Variants in HADH observed in about 807,000 individuals in gnomAD.
HADH encodes hydroxyacyl-coenzyme A dehydrogenase, mitochondrial.
A neutral mutation model predicts 32.2 loss-of-function variants in HADH; 24 were observed. The observed-to-expected ratio is 0.75, with a 90% CI of 0.54 to 1.05. HADH has a LOEUF of 1.05. HADH is among the 50% of genes least tolerant of loss of function. The pLI is 0.00. For synonymous variants in HADH, 139 were observed against 152.5 expected, an observed-to-expected ratio of 0.91 and a Z score of 0.65; for missense variants, 350 against 397.1, an observed-to-expected ratio of 0.88 and a Z score of 1.01.
At chr4:108,026,462 T>C (rs185342714) in intron 5 of HADH, 39 of 152,362 alleles carry the variant, frequency 2.6e-4, no homozygotes, top group African/African-American at 9.4e-4. Flanking sequence ...GAGTCTATAG[T>C]GAACCTTTTG....
chr4:107,997,308 G>C (rs1431779195), intron 1 of HADH, among the ~76,000 whole-genome samples: 1 of 152,168 alleles, frequency 6.6e-6, no homozygotes, highest in Admixed American at 6.5e-5. Flanking sequence ...TAATGTCTAG[G>C]CACATGGGAC....
At chr4:108,018,391 CTT>C (rs752890983) in intron 3 of HADH, among the ~76,000 whole-genome samples, 2 of 151,980 alleles carry the variant, frequency 1.3e-5, no homozygotes, top group African/African-American at 2.4e-5. Context: ...AAGCAAGAAA[CTT>C]TGAAAACTGA....
chr4:108,027,695 C>T lies in HADH; in HGVS notation c.644C>T (p.Pro215Leu). 6.2e-7 allele frequency: 1 copy of T among 1,603,990 alleles called. No individual in the cohort carries two copies. Reference protein sequence around the residue: ...GKHPVSCKDTPGFIVNRLLVP... With the variant: ...GKHPVSCKDTLGFIVNRLLVP... Reference sequence around the variant, plus strand: ...TTCTGTCTCCCAAAACAGGACACTCCTGGGTTTATTGTGAACCGCCTCCTG... The same window carrying T: ...TTCTGTCTCCCAAAACAGGACACTCTTGGGTTTATTGTGAACCGCCTCCTG... The change falls in exon 6 of 8, where the codon CCT (proline) becomes CTT (leucine). Residue 215 changes from proline to leucine, a missense_variant. Physicochemically the swap from Pro to Leu is moderately conservative, Grantham distance 98. Transcript: ENST00000309522.
chr4:108,004,276 A>G (rs1353277468), intron 1 of HADH, among the ~76,000 whole-genome samples: 1 of 152,252 alleles, frequency 6.6e-6, no homozygotes, highest in Non-Finnish European at 1.5e-5. Context: ...GAATGAATGC[A>G]GTGGCATGCG....
chr4:107,996,458 C>G (rs1400983419), intron 1 of HADH, among the ~76,000 whole-genome samples: 1 of 152,138 alleles, frequency 6.6e-6, no homozygotes, highest in East Asian at 1.9e-4. Context: ...AACCTACACA[C>G]TTACTGAATT....
At chr4:108,023,785 A>G in intron 5 of HADH, 1 of 544,632 alleles carries the variant, frequency 1.8e-6, no homozygotes, top group Non-Finnish European at 3.3e-6. Context: ...GGATAGTCTG[A>G]GACCTGAATG....
intron 4 of HADH, among the ~76,000 whole-genome samples, chr4:108,022,453 G>T (rs1735926266): frequency 6.6e-6 from 1 of 152,082 alleles, no homozygotes; most frequent in African/African-American, 2.4e-5. Flanking sequence ...TGCTGGAGCA[G>T]GTGGCAGGCC....
intron 1 of HADH, among the ~76,000 whole-genome samples, chr4:107,999,746 A>T (rs972316671): frequency 2.0e-5 from 3 of 152,200 alleles, no homozygotes; most frequent in African/African-American, 7.2e-5. Flanking sequence ...TGCTCTTGAG[A>T]AACCTACTGT....
chr4:108,008,736 C>T (rs1240970865), intron 1 of HADH, among the ~76,000 whole-genome samples: 1 of 152,156 alleles, frequency 6.6e-6, no homozygotes, highest in Non-Finnish European at 1.5e-5. Flanking sequence ...CTTCTCAGAT[C>T]CTGAGGGATA....
rs1246291541 is a variant in HADH at position 107,989,964 on chromosome 4, C to G, written c.32C>G (p.Ser11Cys). 27 of 1,612,900 alleles carry G rather than the reference C, an allele frequency of 1.7e-5. No individual in the cohort carries two copies. Among genetic ancestry groups the G allele is most frequent in the Non-Finnish European group, 2.1e-5 (25 of 1,179,642 alleles). The change falls in exon 1 of 8, where the codon TCC becomes TGC. Residue 11 changes from serine (S) to cysteine (C), a missense_variant. Physicochemically the swap from Ser to Cys is moderately radical, Grantham distance 112. Transcript: ENST00000309522. The part of the protein sequence containing the change: MAFVTRQFMR[S>C]VSSSSTASAS... The stretch of plus-strand genomic sequence containing the variant: ...TTCGTCACCAGGCAGTTCATGCGTT[C>G]CGTGTCCTCCTCGTCCACCGCCTCG...
At position 108,010,020 on chromosome 4, in the gene HADH, T is replaced by C. The variant is rs1735435352; in HGVS notation, c.261+133T>C. On this transcript the variant is annotated intron_variant, in intron 2 of 7. Coordinates refer to ENST00000309522, the MANE Select transcript of HADH (RefSeq NM_005327.7). ...CAGTTTGTTAGTGTAAAACTCATTT[T>C]TCCATAACTTTAAACCAATATAATA... 2.2e-4 allele frequency: 149 copies of C among 684,862 alleles called. 1 individual carries two copies. In the South Asian group the frequency reaches 2.6e-3, roughly 12 times the overall value. 42.4% of individuals were successfully genotyped at this position (684,862 alleles called of 1,614,324 possible).
At chr4:107,999,512 G>A (rs139046558) in intron 1 of HADH, among the ~76,000 whole-genome samples, 21 of 151,994 alleles carry the variant, frequency 1.4e-4, no homozygotes, top group African/African-American at 4.3e-4. Context: ...AACTAATAAC[G>A]TGACTTCTCA....
At chr4:108,014,043 A>G (rs1464144285) in intron 2 of HADH, among the ~76,000 whole-genome samples, 1 of 152,204 alleles carries the variant, frequency 6.6e-6, no homozygotes, top group African/African-American at 2.4e-5. Context: ...CAGGAGAAAA[A>G]TGAGGAAACG....
intron 1 of HADH, among the ~76,000 whole-genome samples, chr4:108,003,376 C>T (rs1289490011): frequency 6.6e-6 from 1 of 152,150 alleles, no homozygotes; most frequent in African/African-American, 2.4e-5. Flanking sequence ...GAGGAGCCCT[C>T]ATGGCCTAAT....
chr4:108,028,919 A>C, intron 6 of HADH: 1 of 398,698 alleles, frequency 2.5e-6, no homozygotes, highest in East Asian at 3.6e-5. Flanking sequence ...GCATAGGTGC[A>C]TGCCCTTTAG....
intron 3 of HADH, 133 bp from the exon 4 acceptor site, chr4:108,019,407 T>C (rs1416274632): frequency 1.3e-6 from 1 of 791,250 alleles, no homozygotes; most frequent in African/African-American, 1.7e-5. Context: ...ATGTGTCTTC[T>C]CCCTCATTCC....
At chr4:108,014,053 G>A (rs553181101) in intron 2 of HADH, among the ~76,000 whole-genome samples, 2 of 152,306 alleles carry the variant, frequency 1.3e-5, no homozygotes, top group East Asian at 1.9e-4. Context: ...ATGAGGAAAC[G>A]ATGAAAACTA....
At chr4:108,008,298 CTT>C (rs1280722679) in intron 1 of HADH, among the ~76,000 whole-genome samples, 2 of 152,164 alleles carry the variant, frequency 1.3e-5, no homozygotes, top group Admixed American at 6.5e-5. Flanking sequence ...GGTTGTCAGA[CTT>C]TTTGGTCCTG....
chr4:108,019,710 T>C, intron 4 of HADH, 44 bp downstream of exon 4: 2 of 1,611,932 alleles, frequency 1.2e-6, no homozygotes, highest in Non-Finnish European at 1.7e-6. Flanking sequence ...CTCTGCCAGC[T>C]CTCTCAGTCC....
Sources: gnomAD v4.1 joint callset for allele counts (sites outside exome capture counted in the v4.1 genomes callset) on GRCh38, gnomAD v4.1.1 for gene constraint, MANE v1.5 for transcripts, NCBI Gene and HGNC (gene_info 2026-07-23, HGNC 2026-07-21) for gene names.